The following MUC4 variants were observed in gnomAD, a reference collection of about 807,000 sequenced individuals.
The protein encoded by MUC4 is mucin 4, cell surface associated.
In MUC4, 202 loss-of-function variants were observed where a neutral mutation model predicts 257.9. The ratio of observed to expected loss-of-function variants is 0.78; its 90% CI spans 0.70 to 0.88. The LOEUF (loss-of-function observed/expected upper bound fraction) is 0.88. Among genes scored for constraint, MUC4 ranks in the 40% least tolerant of loss-of-function variants. The probability of loss-of-function intolerance (pLI) is 0.00; values close to 1 mark genes in which losing one functional copy is unlikely to be tolerated. For missense variants in MUC4, 5,976 were observed against 6,513.7 expected, an observed-to-expected ratio of 0.92 and a Z score of 2.84; for synonymous variants, 2,351 against 2,757.1, an observed-to-expected ratio of 0.85 and a Z score of 4.62.
chr3:195,786,558 G>GACAGGAAGAGGGGTGGTGTGACCTGTA lies in MUC4; in HGVS notation c.5021_5022insTACAGGTCACACCACCCCTCTTCCTGT (p.His1677_Ala1678insThrThrProLeuProValThrGlyHis), dbSNP rs1732066404. ...CAGGAAGAGGGGTGGCGTGACCGGT[G>GACAGGAAGAGGGGTGGTGTGACCTGTA]GATGCTGAGGAAGTGCTGGTGACAG... On this transcript the variant is annotated inframe_insertion, in exon 2 of 25. Transcript: ENST00000463781. 6.6e-7 allele frequency: 1 copy of GACAGGAAGAGGGGTGGTGTGACCTGTA among 1,513,930 alleles called. No homozygotes were observed. The highest frequency in any genetic ancestry group is 1.4e-5 in the African/African-American group (1 of 70,228). 93.8% of individuals were successfully genotyped at this position (1,513,930 alleles called of 1,614,324 possible). A position where few individuals can be genotyped will look rare whatever the true frequency, so the allele number is the denominator to read the frequency against.
At position 195,785,680 on chromosome 3, in the gene MUC4, G is replaced by T; in HGVS notation, c.5900C>A (p.Thr1967Asn). 1 of 1,483,772 alleles carries T rather than the reference G, an allele frequency of 6.7e-7. No homozygotes were observed. 91.9% of individuals were successfully genotyped at this position (1,483,772 alleles called of 1,614,324 possible). The stretch of plus-strand genomic sequence containing the variant: ...GGAAGCGTCGGTGACAGGAAGAGAG[G>T]TGGCGTGACCTGTGGGTACTGAGGA... ...DASSVPTGHA[T>N]SLPVTDASSV... Residue 1967 changes from threonine (T) to asparagine (N), a missense_variant, in exon 2 of 25, where the codon ACC becomes AAC. By Grantham distance (65) the Thr-to-Asn change is moderately conservative. Around this residue, in one of 44 missense-constraint regions of MUC4, gnomAD observed 87 missense variants for 104.6 expected, o/e 0.83. Transcript: ENST00000463781.
At chr3:195,807,128 G>A (rs1239179623) in intron 1 of MUC4, among the ~76,000 whole-genome samples, 1 of 152,184 alleles carries the variant, frequency 6.6e-6, no homozygotes, top group Non-Finnish European at 1.5e-5. Context: ...CCCAGTTCCT[G>A]AGACTTCTTC....
Position 195,778,142 on chromosome 3 carries a change from A to G in MUC4, c.12943+161T>C, listed in dbSNP as rs1424620604. 1.2e-5 allele frequency: 11 copies of G among 954,016 alleles called. 1 individual carries two copies. The South Asian group carries it at 2.0e-4, about 17-fold the overall frequency. 59.1% of individuals were successfully genotyped at this position (954,016 alleles called of 1,614,324 possible). ...TGTCTCCAGCTCCTGGCCCAGTGCC[A>G]TGCACAAAGCCAGCCCTCAGGAGCG... On this transcript the variant is annotated intron_variant, in intron 3 of 24. Coordinates refer to ENST00000463781, the MANE Select transcript of MUC4 (RefSeq NM_018406.7).
At position 195,769,166 on chromosome 3, in the gene MUC4, G is replaced by A; in HGVS notation, c.13399-14C>T. 1 of 1,613,748 alleles carries A rather than the reference G, an allele frequency of 6.2e-7. No homozygotes were observed. Among genetic ancestry groups the A allele is most frequent in the Non-Finnish European group, 8.5e-7 (1 of 1,179,840 alleles). On this transcript the variant is annotated splice_polypyrimidine_tract_variant and intron_variant, in intron 6 of 24. Transcript: ENST00000463781. ...GTAGGTGTTGCTCTGGGGGTGGGTG[G>A]AAGAAAACACAGGGATGCCCGTGAG... is the stretch of plus-strand genomic sequence containing the variant.
intron 4 of MUC4, among the ~76,000 whole-genome samples, chr3:195,772,262 C>T (rs1180260075): frequency 3.3e-5 from 5 of 151,412 alleles, no homozygotes; most frequent in African/African-American, 1.2e-4. Flanking sequence ...ACCCTCTCTC[C>T]ATCGCTCAGG....
At chr3:195,751,718 C>T (rs548045123) in intron 21 of MUC4, 52 of 249,828 alleles carry the variant, frequency 2.1e-4, no homozygotes, top group African/African-American at 9.1e-4. Context: ...CAGATTTTAC[C>T]GTGTGGAGTG....
At chr3:195,768,345 C>G (rs1249112104) in intron 7 of MUC4, among the ~76,000 whole-genome samples, 2 of 152,214 alleles carry the variant, frequency 1.3e-5, no homozygotes, top group Admixed American at 6.5e-5. Flanking sequence ...CATATGGGAA[C>G]AGAGATGGCG....
rs1387004548 is a variant in MUC4 at position 195,747,005 on chromosome 3, C to T, written c.*171G>A. ...TTTATGGCCTCCCCCTGTGCACCTG[C>T]GCCTATGGATAAGGTATAGTCTTGT... On this transcript the variant is annotated 3_prime_UTR_variant, in exon 25 of 25. Transcript: ENST00000463781. 7.3e-6 allele frequency: 7 copies of T among 953,740 alleles called. No individual in the cohort carries two copies. The highest frequency in any genetic ancestry group is 2.6e-4 in the Middle Eastern group (1 of 3,848). 59.1% of individuals were successfully genotyped at this position (953,740 alleles called of 1,614,324 possible). A position where few individuals can be genotyped will look rare whatever the true frequency, so the allele number is the denominator to read the frequency against.
rs6774275 is a variant in MUC4, at chr3:195,790,189, C to T, written c.1391G>A (p.Arg464Gln). The change falls in exon 2 of 25, where the codon CGG (arginine) becomes CAG (glutamine). Residue 464 changes from arginine to glutamine, a missense_variant. By Grantham distance (43) the Arg-to-Gln change is conservative (BLOSUM62 1). Around this residue, in one of 44 missense-constraint regions of MUC4, gnomAD observed 1,583 missense variants for 1,257.4 expected, o/e 1.26. Transcript: ENST00000463781. ...AGAGAATGAGCTCCTCTCATGAGGC[C>T]GTCCTGTGGTCTCTGCACCTTCACT... Reference protein sequence around the residue: ...QQSEGAETTGRPHERSSFSPG... With the variant: ...QQSEGAETTGQPHERSSFSPG... 2.1e-3 allele frequency: 3,445 copies of T among 1,613,964 alleles called. 78 individuals are homozygous for T. In the African/African-American group the frequency reaches 0.041, roughly 19 times the overall value.
At chr3:195,750,844 C>T (rs2291653) in intron 23 of MUC4, 45 bp downstream of exon 23, 2 of 1,567,632 alleles carry the variant, frequency 1.3e-6, no homozygotes, top group African/African-American at 2.7e-5. Flanking sequence ...GTTTGCCCGC[C>T]CCCCGCAGTG....
Position 195,781,149 on chromosome 3 carries a change from G to GATGGTGA in MUC4, c.10430_10431insTCACCAT (p.Pro3478HisfsTer26), listed in dbSNP as rs1727614427. ...TGTGACCTGTAGATGCTGAGGAAGG[G>GATGGTGA]CTGGTGACAGGAAGAGGGGTGGTGT... is the stretch of plus-strand genomic sequence containing the variant. On this transcript the variant is annotated frameshift_variant, in exon 2 of 25. Coordinates refer to ENST00000463781, the MANE Select transcript of MUC4 (RefSeq NM_018406.7). LOFTEE classifies it high-confidence loss of function. 1 of 1,349,770 alleles carries GATGGTGA rather than the reference G, an allele frequency of 7.4e-7. No homozygotes were observed. The highest frequency in any genetic ancestry group is 2.1e-5 in the African/African-American group (1 of 48,582). The allele number at this position is 1,349,770 out of a possible 1,614,324, so 83.6% of individuals were successfully genotyped here. A position where few individuals can be genotyped will look rare whatever the true frequency, so the allele number is the denominator to read the frequency against.
At position 195,767,609 on chromosome 3, in the gene MUC4, TTGC is replaced by T. The variant is rs1165912410; in HGVS notation, c.13530-861_13530-859del. On this transcript the variant is annotated intron_variant, in intron 7 of 24. Coordinates refer to ENST00000463781, the MANE Select transcript of MUC4 (RefSeq NM_018406.7). ...ATCACCACCACCACCATCATCACCA[TTGC>T]CACCACCATCACCACCATCACCACC... 7.9e-3 allele frequency among the ~76,000 whole-genome samples: 214 copies of T among 27,110 alleles called. 3 individuals are homozygous for T. Among genetic ancestry groups the T allele is most frequent in the Non-Finnish European group, 0.011 (135 of 12,376 alleles). 17.8% of individuals were successfully genotyped at this position (27,110 alleles called of 152,430 possible).
intron 1 of MUC4, among the ~76,000 whole-genome samples, chr3:195,806,148 C>A (rs751561786): frequency 6.6e-6 from 1 of 152,082 alleles, no homozygotes; most frequent in Non-Finnish European, 1.5e-5. Flanking sequence ...ACATAAAATT[C>A]ATAATCTATT....
intron 1 of MUC4, among the ~76,000 whole-genome samples, chr3:195,807,527 T>C (rs374541643): frequency 7.2e-5 from 11 of 152,164 alleles, no homozygotes; most frequent in East Asian, 3.9e-4. Flanking sequence ...AAAAACCGTC[T>C]ATGAAGAAAT....
rs1560263550 is a variant in MUC4 at position 195,767,693 on chromosome 3, CCCCAAAAAATACCACCATCGG to C, written c.13530-963_13530-943del. 7.6e-3 allele frequency among the ~76,000 whole-genome samples: 9 copies of C among 1,186 alleles called. 1 individual carries two copies. Among genetic ancestry groups the C allele is most frequent in the African/African-American group, 0.013 (3 of 224 alleles). The allele number at this position is 1,186 out of a possible 152,430, so 0.8% of individuals were successfully genotyped here. On this transcript the variant is annotated intron_variant, in intron 7 of 24. Transcript: ENST00000463781. The stretch of plus-strand genomic sequence containing the variant: ...ACCATCACCACCATCACTGGCCACC[CCCCAAAAAATACCACCATCGG>C]CCACCACCACCATCACCACCACCAT...
intron 21 of MUC4, chr3:195,751,515 C>T (rs1451038017): frequency 6.8e-6 from 4 of 588,602 alleles, no homozygotes; most frequent in Non-Finnish European, 9.1e-6. Context: ...CCCTCAGCCT[C>T]ATATGACGAG....
intron 7 of MUC4, 146 bp downstream of exon 7, chr3:195,768,876 C>T (rs1722191013): frequency 3.7e-6 from 4 of 1,074,384 alleles, no homozygotes; most frequent in Non-Finnish European, 3.8e-6. Flanking sequence ...TGCCTGGCCC[C>T]AGCGGGAGCT....
intron 3 of MUC4, among the ~76,000 whole-genome samples, chr3:195,775,545 T>C (rs867600869): frequency 4.2e-4 from 15 of 35,684 alleles, no homozygotes; most frequent in African/African-American, 1.8e-3. Context: ...CCTTCCACAG[T>C]CATACCTTCC....
At chr3:195,752,634 G>A (rs889062619) in intron 20 of MUC4, 188 bp from the exon 21 acceptor site, 6 of 620,456 alleles carry the variant, frequency 9.7e-6, no homozygotes, top group African/African-American at 3.7e-5. Flanking sequence ...CGGGAGAAGT[G>A]GCCCTCACCC....
Sources: allele counts gnomAD v4.1 joint callset (sites outside exome capture counted in the v4.1 genomes callset), GRCh38; gene constraint gnomAD v4.1.1; regional missense constraint gnomAD v4.1.1; transcripts MANE v1.5; gene names NCBI Gene and HGNC (gene_info 2026-07-23, HGNC 2026-07-21).